The following ELAVL3 variants were observed in gnomAD, a reference collection of about 807,000 sequenced individuals.
ELAVL3 encodes the protein ELAV like RNA binding protein 3.
A neutral mutation model predicts 34.2 loss-of-function variants in ELAVL3; 8 were observed. That is an observed-to-expected ratio of 0.23 (90% CI 0.14 to 0.42). The LOEUF (loss-of-function observed/expected upper bound fraction) is 0.42, where lower values mean the gene tolerates loss of function less well. Ranked by LOEUF, ELAVL3 falls within the 10% of genes least tolerant of loss-of-function variation. The pLI, the probability that ELAVL3 is intolerant of heterozygous loss-of-function variation, is 1.00. For missense variants in ELAVL3, 273 were observed against 518.8 expected, an observed-to-expected ratio of 0.53 and a Z score of 4.60; for synonymous variants, 209 against 222.1, an observed-to-expected ratio of 0.94 and a Z score of 0.53.
intron 1 of ELAVL3, among the ~76,000 whole-genome samples, chr19:11,479,444 A>G (rs1429205414): frequency 6.6e-6 from 1 of 152,082 alleles, no homozygotes; most frequent in Admixed American, 6.5e-5. Context: ...ACACGCAGAG[A>G]CGGAGAGATA....
chr19:11,474,464 G>A (rs1971226906), intron 1 of ELAVL3, among the ~76,000 whole-genome samples: 1 of 152,184 alleles, frequency 6.6e-6, no homozygotes, highest in Admixed American at 6.6e-5. Flanking sequence ...AGGCGTAGTG[G>A]TGGGTGCCTC....
In ELAVL3 at chr19:11,453,631, T is replaced by G. The variant is rs1327284548; in HGVS notation, c.*895A>C. On this transcript the variant is annotated 3_prime_UTR_variant, in exon 7 of 7. Transcript: ENST00000359227. ...CTTTCTGTCTATCCCTGTCCACGTG[T>G]CTGAGTTTGGCCAACCAGTCCCTTA... The G allele has an allele frequency of 6.5e-6, 1 of 152,828 alleles. No individual in the cohort carries two copies. The highest frequency in any genetic ancestry group is 1.5e-5 in the Non-Finnish European group (1 of 68,078). The allele number at this position is 152,828 out of a possible 1,614,324, so 9.5% of individuals were successfully genotyped here. A position where few individuals can be genotyped will look rare whatever the true frequency, so the allele number is the denominator to read the frequency against.
At chr19:11,461,872 T>A (rs564217836) in intron 3 of ELAVL3, among the ~76,000 whole-genome samples, 1 of 152,278 alleles carries the variant, frequency 6.6e-6, no homozygotes, top group South Asian at 2.1e-4. Flanking sequence ...AGTGTATGCC[T>A]CCATTAGAAA....
chr19:11,454,898 G>T lies in ELAVL3; in HGVS notation c.753-21C>A. The T allele has an allele frequency of 6.4e-7, 1 of 1,573,520 alleles. No individual in the cohort carries two copies. Reference sequence around the variant, plus strand: ...GGGGACTACTTTGGGGGTCACGCGGGCTCTGCCCTGACCCCCCGCATGCTT... The same window carrying T: ...GGGGACTACTTTGGGGGTCACGCGGTCTCTGCCCTGACCCCCCGCATGCTT... On this transcript the variant is annotated intron_variant, in intron 6 of 6. Transcript: ENST00000359227. The surrounding 1 kb of genome is among the most constrained non-coding windows in gnomAD (Gnocchi z 9.2).
intron 3 of ELAVL3, among the ~76,000 whole-genome samples, chr19:11,464,123 GTCTCTCTCTCTC>G (rs1165917141): frequency 4.5e-5 from 5 of 110,954 alleles, no homozygotes; most frequent in East Asian, 5.1e-4. Context: ...GTCTCTCTCT[GTCTCTCTCTCTC>G]TCTCTCTCTC....
rs1970675530 is a variant in ELAVL3, at chr19:11,452,637, A to AG, written c.*1888dup. 6.7e-6 allele frequency: 1 copy of AG among 149,178 alleles called. No individual in the cohort carries two copies. The highest frequency in any genetic ancestry group is 1.5e-5 in the Non-Finnish European group (1 of 67,530). The allele number at this position is 149,178 out of a possible 1,614,324, so 9.2% of individuals were successfully genotyped here. A position where few individuals can be genotyped will look rare whatever the true frequency, so the allele number is the denominator to read the frequency against. Reference sequence around the variant, plus strand: ...ACAGACGTTTAATAACAACACCGGGAGGGGTGGGGGAGAGAGAGCTGGACA... The same window carrying AG: ...ACAGACGTTTAATAACAACACCGGGAGGGGGTGGGGGAGAGAGAGCTGGACA... On this transcript the variant is annotated 3_prime_UTR_variant, in exon 7 of 7. Coordinates refer to ENST00000359227, the MANE Select transcript of ELAVL3 (RefSeq NM_001420.4).
chr19:11,474,861 G>T (rs1971233950), intron 1 of ELAVL3, among the ~76,000 whole-genome samples: 2 of 152,116 alleles, frequency 1.3e-5, no homozygotes, highest in Admixed American at 6.6e-5. Flanking sequence ...ACGGAGTCTT[G>T]CTTTGTCGCC....
In ELAVL3 at chr19:11,451,487, GTT is replaced by G. The variant is rs976179986; in HGVS notation, c.*3037_*3038del. 7 of 84,526 alleles carry G rather than the reference GTT, an allele frequency of 8.3e-5. No homozygotes were observed. Among genetic ancestry groups the G allele is most frequent in the Admixed American group, 1.1e-4 (1 of 8,902 alleles). The allele number at this position is 84,526 out of a possible 1,614,324, so 5.2% of individuals were successfully genotyped here. ...GGTTTTTTTTTTTTTTTTGTCTTTTGTTTTGTCTTTTTTTTTTTTTTTTTTTT... is the reference window on the plus strand; with the variant it reads ...GGTTTTTTTTTTTTTTTTGTCTTTTGTTGTCTTTTTTTTTTTTTTTTTTTT... On this transcript the variant is annotated 3_prime_UTR_variant, in exon 7 of 7. Coordinates refer to ENST00000359227, the MANE Select transcript of ELAVL3 (RefSeq NM_001420.4).
intron 5 of ELAVL3, among the ~76,000 whole-genome samples, 169 bp downstream of exon 5, chr19:11,457,892 G>A (rs1168604236): frequency 2.0e-5 from 3 of 152,236 alleles, no homozygotes; most frequent in Admixed American, 1.3e-4. Context: ...CACACATTGA[G>A]GGCCTGCTGT....
At position 11,466,413 on chromosome 19, in the gene ELAVL3, T is replaced by G; in HGVS notation, c.230-138A>C. 1 of 1,003,806 alleles carries G rather than the reference T, an allele frequency of 1.0e-6. No homozygotes were observed. Among genetic ancestry groups the G allele is most frequent in the Non-Finnish European group, 1.5e-6 (1 of 660,902 alleles). The allele number at this position is 1,003,806 out of a possible 1,614,324, so 62.2% of individuals were successfully genotyped here. On this transcript the variant is annotated intron_variant, in intron 2 of 6. Coordinates refer to ENST00000359227, the MANE Select transcript of ELAVL3 (RefSeq NM_001420.4). The surrounding 1 kb of genome is among the most constrained non-coding windows in gnomAD (Gnocchi z 5.0). ...CCAGATGACACCTTCGATGCTAGAG[T>G]CCCACCTGCCTCCATCGCTCCTGAG...
chr19:11,454,859 G>A lies in ELAVL3; in HGVS notation c.771C>T (p.Ala257=), dbSNP rs745717825. 2.9e-5 allele frequency: 47 copies of A among 1,600,398 alleles called. No individual in the cohort carries two copies. Among genetic ancestry groups the A allele is most frequent in the Non-Finnish European group, 1.5e-5 (18 of 1,177,090 alleles). Reference sequence around the variant, plus strand: ...CATCGATGGCGATCGGCGAGAACCTGGCGATGAGCGACAGGGGACTACTTT... The same window carrying A: ...CATCGATGGCGATCGGCGAGAACCTAGCGATGAGCGACAGGGGACTACTTT... The part of the protein sequence containing the change: ...YGVKSPLSLI[A]RFSPIAIDGM... Residue 257 remains alanine, a synonymous_variant, in exon 7 of 7, where the codon GCC becomes GCT. Coordinates refer to ENST00000359227, the MANE Select transcript of ELAVL3 (RefSeq NM_001420.4). This position sits in a 1 kb window ranked among gnomAD's most constrained non-coding sequence, Gnocchi z 9.2.
chr19:11,464,710 C>CCA (rs774489001), intron 3 of ELAVL3, among the ~76,000 whole-genome samples: 1 of 133,084 alleles, frequency 7.5e-6, no homozygotes, highest in Admixed American at 7.5e-5. Flanking sequence ...ACCACACACA[C>CCA]CACACACACA....
At position 11,458,298 on chromosome 19, in the gene ELAVL3, C is replaced by T; in HGVS notation, c.488-12G>A. On this transcript the variant is annotated splice_polypyrimidine_tract_variant and intron_variant, in intron 4 of 6. Transcript: ENST00000359227. This position sits in a 1 kb window ranked among gnomAD's most constrained non-coding sequence, Gnocchi z 7.3. ...ACCCCGAGAGACACCTGCCAGGGGG[C>T]AGGGATGTCCATCACGACGACCCTG... is the stretch of plus-strand genomic sequence containing the variant. The T allele has an allele frequency of 6.2e-7, 1 of 1,612,754 alleles. No homozygotes were observed. The highest frequency in any genetic ancestry group is 8.5e-7 in the Non-Finnish European group (1 of 1,179,420).
intron 1 of ELAVL3, among the ~76,000 whole-genome samples, chr19:11,472,568 G>T (rs922663153): frequency 1.3e-5 from 2 of 151,696 alleles, no homozygotes; most frequent in Non-Finnish European, 2.9e-5. Flanking sequence ...AGTCATGGTG[G>T]CTTGCACCTG....
chr19:11,469,191 G>C (rs938854596), intron 1 of ELAVL3, among the ~76,000 whole-genome samples: 1 of 152,152 alleles, frequency 6.6e-6, no homozygotes, highest in Admixed American at 6.6e-5. Context: ...GCCTCCCATA[G>C]TGTTGGAATT....
Position 11,455,000 on chromosome 19 carries a change from T to G in ELAVL3, c.753-123A>C. On this transcript the variant is annotated intron_variant, in intron 6 of 6. Transcript: ENST00000359227. The surrounding 1 kb of genome is among the most constrained non-coding windows in gnomAD (Gnocchi z 9.2). ...CCTTGGAATGGTGTGACCCCTGCAA[T>G]GCAATTTTTTTTTTTAGAGACACGG... 1 of 1,161,046 alleles carries G rather than the reference T, an allele frequency of 8.6e-7. No homozygotes were observed. Among genetic ancestry groups the G allele is most frequent in the Non-Finnish European group, 1.2e-6 (1 of 826,230 alleles). The allele number at this position is 1,161,046 out of a possible 1,614,324, so 71.9% of individuals were successfully genotyped here.
intron 5 of ELAVL3, 93 bp downstream of exon 5, chr19:11,457,968 C>T (rs544865260): frequency 3.3e-5 from 46 of 1,385,462 alleles, no homozygotes; most frequent in East Asian, 3.0e-4. Context: ...CGCACCCTCC[C>T]GGCATCCCTC....
At chr19:11,469,229 A>AT (rs1971115415) in intron 1 of ELAVL3, among the ~76,000 whole-genome samples, 1 of 149,760 alleles carries the variant, frequency 6.7e-6, no homozygotes, top group Non-Finnish European at 1.5e-5. Context: ...CACACAGCCC[A>AT]TTTTTTAGCT....
chr19:11,474,975 C>CCCA (rs1487510806), intron 1 of ELAVL3, among the ~76,000 whole-genome samples: 5 of 152,066 alleles, frequency 3.3e-5, no homozygotes, highest in Non-Finnish European at 7.4e-5. Context: ...ACTACAGGCA[C>CCCA]CCACCACCAC....
Sources: gnomAD v4.1 joint callset for allele counts (sites outside exome capture counted in the v4.1 genomes callset) on GRCh38, gnomAD v4.1.1 for gene constraint, Gnocchi (gnomAD v3.1) non-coding constraint, MANE v1.5 for transcripts, NCBI Gene and HGNC (gene_info 2026-07-23, HGNC 2026-07-21) for gene names.